CASK: variants seen among roughly 807,000 people sequenced by gnomAD.
CASK encodes peripheral plasma membrane protein CASK.
A neutral mutation model predicts 82.9 loss-of-function variants in CASK; 4 were observed. The ratio of observed to expected loss-of-function variants is 0.05; its 90% confidence interval spans 0.02 to 0.11. The LOEUF is 0.11. Ranked by LOEUF, CASK falls within the 10% of genes least tolerant of loss-of-function variation. The pLI is 1.00. For missense variants in CASK, 358 were observed against 720.9 expected (o/e 0.50, Z 5.76); for synonymous variants, 259 against 253.5 (o/e 1.02, Z -0.20).
intron 21 of CASK, among the ~76,000 whole-genome samples, chrX:41,547,313 A>G (rs933594717): frequency 8.9e-6 from 1 of 111,868 alleles, no homozygotes; most frequent in African/African-American, 3.2e-5. Flanking sequence ...TTTAAAATCT[A>G]TAGGTTCCCT....
intron 5 of CASK, among the ~76,000 whole-genome samples, chrX:41,703,564 C>T (rs1602495056): frequency 1.8e-5 from 2 of 112,446 alleles, no homozygotes; most frequent in East Asian, 5.6e-4. Flanking sequence ...TGTTTTACTG[C>T]ATGAATAAAC....
rs749293736 is a variant in CASK, at chrX:41,710,497, C to T, written c.429+28887G>A. ...TTCCTAAAAGACAATGTTTAGCCAG[C>T]ACACTCAAGCTTATATGAAAAGCCA... On this transcript the variant is annotated intron_variant, in intron 5 of 26. Transcript: ENST00000378163. 3.6e-5 allele frequency among the ~76,000 whole-genome samples: 4 copies of T among 111,773 alleles called. No homozygotes were observed. In the Admixed American group the frequency reaches 3.8e-4, roughly 11 times the overall value.
chrX:41,778,288 T>A (rs2069402491), intron 3 of CASK, among the ~76,000 whole-genome samples: 1 of 109,594 alleles, frequency 9.1e-6, no homozygotes, highest in Admixed American at 9.8e-5. Flanking sequence ...TGGAGTGCAG[T>A]GGTGTGATCT....
chrX:41,600,503 T>C (rs951318852), intron 12 of CASK, among the ~76,000 whole-genome samples: 5 of 112,539 alleles, frequency 4.4e-5, no homozygotes, highest in African/African-American at 1.6e-4. Context: ...TTCCTTTGCC[T>C]TTTGGTAAAG....
intron 2 of CASK, among the ~76,000 whole-genome samples, chrX:41,802,255 A>C (rs1294229449): frequency 1.8e-5 from 2 of 111,675 alleles, no homozygotes; most frequent in African/African-American, 6.5e-5. Context: ...TTTAAAAGAA[A>C]AACATTCAGA....
rs146786893 is a variant in CASK, at chrX:41,727,580, G to A, written c.429+11804C>T. 804 of 1,195,430 alleles carry A rather than the reference G, an allele frequency of 6.7e-4. 3 individuals are homozygous for A. In the African/African-American group the frequency reaches 0.012, roughly 18 times the overall value. On this transcript the variant is annotated intron_variant, in intron 5 of 26. Coordinates refer to ENST00000378163, the MANE Select transcript of CASK (RefSeq NM_001367721.1). ...ATAGAGGCTACAGAAGGAGAAGAGA[G>A]CCTATGCTACAATCGGCAGATGGAA...
chrX:41,564,594 G>A (rs998863711), intron 16 of CASK, among the ~76,000 whole-genome samples: 5 of 111,403 alleles, frequency 4.5e-5, no homozygotes, highest in Non-Finnish European at 9.4e-5. Context: ...AAAGACTGCC[G>A]GTCCTAGCCA....
intron 2 of CASK, among the ~76,000 whole-genome samples, chrX:41,790,649 T>G (rs1438386993): frequency 2.7e-5 from 3 of 111,985 alleles, no homozygotes; most frequent in African/African-American, 9.7e-5. Flanking sequence ...CTGATTTGAC[T>G]TGATTTGCTA....
At chrX:41,652,179 C>T (rs955502490) in intron 8 of CASK, among the ~76,000 whole-genome samples, 6 of 110,993 alleles carry the variant, frequency 5.4e-5, no homozygotes, top group Admixed American at 2.9e-4. Flanking sequence ...GTCTGAAGAA[C>T]AGCAAGGAGG....
chrX:41,775,625 G>A (rs1472727772), intron 3 of CASK, among the ~76,000 whole-genome samples: 4 of 105,577 alleles, frequency 3.8e-5, no homozygotes, highest in Non-Finnish European at 7.9e-5. Context: ...GCAAAGACTC[G>A]GAACCAACCC....
At chrX:41,657,508 TTC>T (rs1388861946) in intron 8 of CASK, among the ~76,000 whole-genome samples, 2 of 111,804 alleles carry the variant, frequency 1.8e-5, no homozygotes, top group Admixed American at 9.5e-5. Context: ...GAATTATATA[TTC>T]TTTTATATTT....
intron 1 of CASK, among the ~76,000 whole-genome samples, chrX:41,896,223 T>G (rs2072268118): frequency 8.9e-6 from 1 of 111,964 alleles, no homozygotes; most frequent in Admixed American, 9.5e-5. Flanking sequence ...AAAGAACTGA[T>G]AGGCTCCCCA....
chrX:41,861,007 A>T (rs1162204795), intron 1 of CASK, among the ~76,000 whole-genome samples: 1 of 112,258 alleles, frequency 8.9e-6, no homozygotes, highest in East Asian at 2.8e-4. Context: ...CAGAGTTAAG[A>T]CTAGCATTTA....
chrX:41,780,227 C>G lies in CASK; in HGVS notation c.278+6951G>C, dbSNP rs941410373. 2.7e-5 allele frequency among the ~76,000 whole-genome samples: 3 copies of G among 112,059 alleles called. No homozygotes were observed. The Admixed American group carries it at 2.8e-4, about 11-fold the overall frequency. On this transcript the variant is annotated intron_variant, in intron 3 of 26. Coordinates refer to ENST00000378163, the MANE Select transcript of CASK (RefSeq NM_001367721.1). ...AACTTGTGGGGATAACCCAACTCAG[C>G]CTGTCTTCAAAACTGAACCTGTATT... is the stretch of plus-strand genomic sequence containing the variant.
intron 5 of CASK, among the ~76,000 whole-genome samples, chrX:41,698,435 C>T (rs1252376767): frequency 2.7e-5 from 3 of 111,741 alleles, no homozygotes; most frequent in African/African-American, 6.5e-5. Flanking sequence ...CATTGCCTCC[C>T]TGGAGCTTAG....
intron 22 of CASK, among the ~76,000 whole-genome samples, chrX:41,536,901 C>CTAT (rs1057506286): frequency 1.8e-5 from 2 of 111,199 alleles, no homozygotes; most frequent in African/African-American, 6.5e-5. Flanking sequence ...TTTTTTAGAC[C>CTAT]TATTGCCCTC....
At chrX:41,608,874 TATA>T (rs2065996465) in intron 12 of CASK, among the ~76,000 whole-genome samples, 1 of 111,698 alleles carries the variant, frequency 9.0e-6, no homozygotes, top group African/African-American at 3.3e-5. Context: ...ATGCTGGAGG[TATA>T]ATGTTTTAAA....
At chrX:41,755,584 T>C (rs765973095) in intron 3 of CASK, among the ~76,000 whole-genome samples, 1 of 112,072 alleles carries the variant, frequency 8.9e-6, no homozygotes, top group East Asian at 2.8e-4. Flanking sequence ...GCCAAGAAAG[T>C]CCACTCTAAC....
chrX:41,546,120 C>T (rs2065019979), intron 21 of CASK, among the ~76,000 whole-genome samples: 1 of 111,162 alleles, frequency 9.0e-6, no homozygotes, highest in Non-Finnish European at 1.9e-5. Context: ...ATTACGGGTG[C>T]CTGCCACCAC....
Sources: gnomAD v4.1 joint callset for allele counts (sites outside exome capture counted in the v4.1 genomes callset) on GRCh38, gnomAD v4.1.1 for gene constraint, MANE v1.5 for transcripts, NCBI Gene and HGNC (gene_info 2026-07-23, HGNC 2026-07-21) for gene names.